Variants in TBX6 observed in about 807,000 individuals in gnomAD.
TBX6 encodes T-box transcription factor TBX6.
A neutral mutation model predicts 42.3 loss-of-function variants in TBX6; 29 were observed. The ratio of observed to expected loss-of-function variants is 0.69; its 90% CI spans 0.51 to 0.93. The LOEUF (loss-of-function observed/expected upper bound fraction) is 0.93. Ranked by LOEUF, TBX6 falls within the 40% of genes least tolerant of loss-of-function variation. The pLI is 0.00. For missense variants in TBX6, 569 were observed against 603.3 expected (o/e 0.94, Z 0.59); for synonymous variants, 249 against 245.1 (o/e 1.02, Z -0.15).
At chr16:30,091,482 T>C (rs2151034197) in intron 1 of TBX6, 1 of 314,782 alleles carries the variant, frequency 3.2e-6, no homozygotes, top group Non-Finnish European at 5.9e-6. Flanking sequence ...TCGGCTTGAT[T>C]GATCCCCAGG....
chr16:30,091,402 C>T (rs2072722781), intron 1 of TBX6, 161 bp from the exon 2 acceptor site: 1 of 508,130 alleles, frequency 2.0e-6, no homozygotes. Context: ...GTCCCCTCCT[C>T]CCCTCCCTCC....
Position 30,088,681 on chromosome 16 carries a change from A to T in TBX6, c.768+12T>A, listed in dbSNP as rs1418233636. Reference sequence around the variant, plus strand: ...GCAGGGGGCCACCACCCCCTCAAGCAGGGTCACTCACCTGTGGGTTCTGGT... The same window carrying T: ...GCAGGGGGCCACCACCCCCTCAAGCTGGGTCACTCACCTGTGGGTTCTGGT... On this transcript the variant is annotated intron_variant, in intron 5 of 8. Transcript: ENST00000395224. This position sits in a 1 kb window ranked among gnomAD's most constrained non-coding sequence, Gnocchi z 4.1. The T allele has an allele frequency of 6.2e-7, 1 of 1,614,048 alleles. No individual in the cohort carries two copies. Among genetic ancestry groups the T allele is most frequent in the Admixed American group, 1.7e-5 (1 of 60,016 alleles).
intron 1 of TBX6, 28 bp from the exon 2 acceptor site, chr16:30,091,269 A>C: frequency 1.7e-6 from 2 of 1,186,448 alleles, no homozygotes; most frequent in Non-Finnish European, 2.3e-6. Flanking sequence ...TATAGCTCAC[A>C]GCTCAGCCCC....
At chr16:30,089,240 G>A in intron 3 of TBX6, 30 bp from the exon 4 acceptor site, 1 of 1,596,104 alleles carries the variant, frequency 6.3e-7, no homozygotes, top group Non-Finnish European at 8.6e-7. Flanking sequence ...GGAGAGGCCT[G>A]GAGCTACCCA....
chr16:30,088,921 G>A lies in TBX6; in HGVS notation c.621+22C>T. On this transcript the variant is annotated intron_variant, in intron 4 of 8. Transcript: ENST00000395224. This position sits in a 1 kb window ranked among gnomAD's most constrained non-coding sequence, Gnocchi z 4.1. ...TTCCAGCACCCCCCAACCCTATCCTGGAGTCCCAGCCTGGGCCTCACGTGG... is the reference window on the plus strand; with the variant it reads ...TTCCAGCACCCCCCAACCCTATCCTAGAGTCCCAGCCTGGGCCTCACGTGG... The A allele has an allele frequency of 6.2e-7, 1 of 1,603,360 alleles. No individual in the cohort carries two copies. Among genetic ancestry groups the A allele is most frequent in the Non-Finnish European group, 8.5e-7 (1 of 1,172,066 alleles).
At chr16:30,091,029 C>T (rs1318592387) in intron 2 of TBX6, 37 bp from the exon 3 acceptor site, 1 of 1,597,066 alleles carries the variant, frequency 6.3e-7, no homozygotes, top group East Asian at 2.3e-5. Context: ...CAGCCGAGGG[C>T]CACAGCCCCC....
intron 1 of TBX6, 141 bp from the exon 2 acceptor site, chr16:30,091,382 C>A (rs1204687380): frequency 3.5e-6 from 2 of 565,802 alleles, no homozygotes; most frequent in African/African-American, 1.9e-5. Flanking sequence ...GGGTCGGATA[C>A]CTGGGTACGG....
At chr16:30,090,682 C>T in intron 3 of TBX6, 76 bp downstream of exon 3, 1 of 1,451,930 alleles carries the variant, frequency 6.9e-7, no homozygotes, top group Non-Finnish European at 9.3e-7. Flanking sequence ...ACCACCCAGT[C>T]CTAGCCCCCT....
At position 30,088,882 on chromosome 16, in the gene TBX6, A is replaced by G; in HGVS notation, c.622-43T>C. On this transcript the variant is annotated intron_variant, in intron 4 of 8. Transcript: ENST00000395224. The surrounding 1 kb of genome is among the most constrained non-coding windows in gnomAD (Gnocchi z 4.1). ...GGAGTGATTCCCTGCCCTGCGCCTC[A>G]CCCTTGGCCTCCCTTCCAGCACCCC... 6.2e-7 allele frequency: 1 copy of G among 1,605,152 alleles called. No homozygotes were observed. Among genetic ancestry groups the G allele is most frequent in the Non-Finnish European group, 8.5e-7 (1 of 1,173,256 alleles).
chr16:30,091,269 A>T, intron 1 of TBX6, 28 bp from the exon 2 acceptor site: 1 of 1,186,446 alleles, frequency 8.4e-7, no homozygotes, highest in South Asian at 1.6e-5. Flanking sequence ...TATAGCTCAC[A>T]GCTCAGCCCC....
In TBX6 at chr16:30,090,845, G is replaced by A; in HGVS notation, c.266C>T (p.Pro89Leu). Reference sequence around the variant, plus strand: ...GTTCTCCAGGCTCAGGCTGACCCCCGGGAGGGAATGGAGGGCCTCTGGAGC... The same window carrying A: ...GTTCTCCAGGCTCAGGCTGACCCCCAGGAGGGAATGGAGGGCCTCTGGAGC... Reference protein sequence around the residue: ...PSAPEALHSLPGVSLSLENRE... With the variant: ...PSAPEALHSLLGVSLSLENRE... The change falls in exon 3 of 9, where the codon CCG becomes CTG. Residue 89 changes from proline (P) to leucine (L), a missense_variant. By Grantham distance (98) the Pro-to-Leu change is moderately conservative. This residue lies in a region of TBX6 where 134 missense variants were observed against 125.3 expected (regional missense o/e 1.07). Transcript: ENST00000395224. 2 of 1,604,934 alleles carry A rather than the reference G, an allele frequency of 1.2e-6. No homozygotes were observed. The highest frequency in any genetic ancestry group is 8.5e-7 in the Non-Finnish European group (1 of 1,174,746).
chr16:30,089,871 G>A (rs138474974), intron 3 of TBX6, among the ~76,000 whole-genome samples: 310 of 150,012 alleles, frequency 2.1e-3, no homozygotes, highest in African/African-American at 4.8e-3. Context: ...CAGAGGTTGC[G>A]GTGAGCTGAC....
At position 30,088,812 on chromosome 16, in the gene TBX6, G is replaced by A; in HGVS notation, c.649C>T (p.Gln217Ter). The part of the protein sequence containing the change: ...HLILHSMHKY[Q>*]PRIHLVRAAQ... ...GCCCGAACTAGGTGTATGCGGGGTT[G>A]GTACTTGTGCATGGAGTGCAGGATC... Residue 217 changes from glutamine (Q) to a stop codon, truncating the protein, a stop_gained, in exon 5 of 9, where the codon CAA (glutamine) becomes TAA (stop). Transcript: ENST00000395224. LOFTEE classifies it high-confidence loss of function. The surrounding 1 kb of genome is among the most constrained non-coding windows in gnomAD (Gnocchi z 4.1). 1 of 1,614,150 alleles carries A rather than the reference G, an allele frequency of 6.2e-7. No homozygotes were observed. Among genetic ancestry groups the A allele is most frequent in the Non-Finnish European group, 8.5e-7 (1 of 1,179,998 alleles).
chr16:30,086,151 G>C lies in TBX6; in HGVS notation c.*74C>G. The C allele has an allele frequency of 6.6e-7, 1 of 1,521,132 alleles. No individual in the cohort carries two copies. Among genetic ancestry groups the C allele is most frequent in the Non-Finnish European group, 8.9e-7 (1 of 1,119,134 alleles). The allele number at this position is 1,521,132 out of a possible 1,614,324, so 94.2% of individuals were successfully genotyped here. On this transcript the variant is annotated 3_prime_UTR_variant, in exon 9 of 9. Transcript: ENST00000395224. This position sits in a 1 kb window ranked among gnomAD's most constrained non-coding sequence, Gnocchi z 4.6. ...TTTGGTGTGGGGGATGGGGCCGGTG[G>C]AGGTGAGGGGGCTCCAGGGCTGGGG...
Position 30,090,930 on chromosome 16 carries a change from C to T in TBX6, c.181G>A (p.Ala61Thr). The change falls in exon 3 of 9, where the codon GCC becomes ACC. Residue 61 changes from alanine (A) to threonine (T), a missense_variant. Coordinates refer to ENST00000395224, the MANE Select transcript of TBX6 (RefSeq NM_004608.4). ...AGAAGGGGCAGAGGTGGGTGCGCGGCCAGGGTGCGGGGAGCAGCCTCCATC... is the reference window on the plus strand; with the variant it reads ...AGAAGGGGCAGAGGTGGGTGCGCGGTCAGGGTGCGGGGAGCAGCCTCCATC... Reference protein sequence around the residue: ...SGMEAAPRTLAAHPPLPLLPP... With the variant: ...SGMEAAPRTLTAHPPLPLLPP... The T allele has an allele frequency of 6.2e-7, 1 of 1,612,972 alleles. No homozygotes were observed. The highest frequency in any genetic ancestry group is 8.5e-7 in the Non-Finnish European group (1 of 1,179,734).
Position 30,086,469 on chromosome 16 carries a change from G to A in TBX6, c.1098-31C>T. 1 of 1,490,646 alleles carries A rather than the reference G, an allele frequency of 6.7e-7. No individual in the cohort carries two copies. The highest frequency in any genetic ancestry group is 8.9e-7 in the Non-Finnish European group (1 of 1,124,100). The allele number at this position is 1,490,646 out of a possible 1,614,324, so 92.3% of individuals were successfully genotyped here. On this transcript the variant is annotated intron_variant, in intron 8 of 8. Coordinates refer to ENST00000395224, the MANE Select transcript of TBX6 (RefSeq NM_004608.4). This position sits in a 1 kb window ranked among gnomAD's most constrained non-coding sequence, Gnocchi z 4.6. ...ATGGAGAGAGGGATGTCAGAGCAGGGCAGAGGGACCCGCAGCCCCGCCTGG... is the reference window on the plus strand; with the variant it reads ...ATGGAGAGAGGGATGTCAGAGCAGGACAGAGGGACCCGCAGCCCCGCCTGG...
chr16:30,086,696 C>T lies in TBX6; in HGVS notation c.914-1G>A, dbSNP rs1326044035. 1.2e-6 allele frequency: 2 copies of T among 1,612,552 alleles called. No individual in the cohort carries two copies. Among genetic ancestry groups the T allele is most frequent in the Admixed American group, 1.7e-5 (1 of 59,740 alleles). The stretch of plus-strand genomic sequence containing the variant: ...GAGTCGCAGGGACCACCTGGTGTGT[C>T]TGGGGAGAGGGAAGGGAGAGGTTGG... On this transcript the variant is annotated splice_acceptor_variant, in intron 7 of 8. Coordinates refer to ENST00000395224, the MANE Select transcript of TBX6 (RefSeq NM_004608.4). LOFTEE classifies it high-confidence loss of function. This position sits in a 1 kb window ranked among gnomAD's most constrained non-coding sequence, Gnocchi z 4.6.
intron 3 of TBX6, among the ~76,000 whole-genome samples, chr16:30,090,277 A>G (rs2072701561): frequency 6.6e-6 from 1 of 152,102 alleles, no homozygotes; most frequent in African/African-American, 2.4e-5. Context: ...TGCCCCAGCT[A>G]AAGACCTCAT....
rs780844663 is a variant in TBX6 at position 30,086,218 on chromosome 16, C to T, written c.*7G>A. On this transcript the variant is annotated 3_prime_UTR_variant, in exon 9 of 9. Transcript: ENST00000395224. The surrounding 1 kb of genome is among the most constrained non-coding windows in gnomAD (Gnocchi z 4.6). Reference sequence around the variant, plus strand: ...TTGTGATGGAGGCAGAGGGGCCCAGCAGTGGTTCAGTACATGGGTTTGGAG... The same window carrying T: ...TTGTGATGGAGGCAGAGGGGCCCAGTAGTGGTTCAGTACATGGGTTTGGAG... 7 of 1,610,182 alleles carry T rather than the reference C, an allele frequency of 4.3e-6. No homozygotes were observed. In the African/African-American group the frequency reaches 9.4e-5, roughly 22 times the overall value.
Sources: allele counts gnomAD v4.1 joint callset (sites outside exome capture counted in the v4.1 genomes callset), GRCh38; gene constraint gnomAD v4.1.1; regional missense constraint gnomAD v4.1.1; non-coding constraint Gnocchi (gnomAD v3.1); transcripts MANE v1.5; gene names NCBI Gene and HGNC (gene_info 2026-07-23, HGNC 2026-07-21).